The following SLC27A2 variants were observed in gnomAD, a reference collection of about 807,000 sequenced individuals.
SLC27A2 encodes the protein long-chain fatty acid transport protein 2.
SLC27A2 carries 54 observed loss-of-function variants against 60.0 expected under a neutral mutation model. That is an observed-to-expected ratio of 0.90 (90% CI 0.72 to 1.13). The LOEUF (loss-of-function observed/expected upper bound fraction) is 1.13, where lower values mean the gene tolerates loss of function less well. Among genes scored for constraint, SLC27A2 ranks in the 50% most tolerant of loss-of-function variants. The pLI, the probability that SLC27A2 is intolerant of heterozygous loss-of-function variation, is 0.00. For missense variants in SLC27A2, 739 were observed against 777.6 expected, an observed-to-expected ratio of 0.95 and a Z score of 0.59; for synonymous variants, 297 against 297.6, an observed-to-expected ratio of 1.00 and a Z score of 0.02.
chr15:50,184,494 T>G (rs1422949993), intron 1 of SLC27A2, among the ~76,000 whole-genome samples: 1 of 151,928 alleles, frequency 6.6e-6, no homozygotes, highest in African/African-American at 2.4e-5. Flanking sequence ...TGGCATGAAA[T>G]AAATAATCCA....
In SLC27A2 at chr15:50,233,981, C is replaced by G. The variant is rs150689218; in HGVS notation, c.1669C>G (p.Arg557Gly). 6.8e-6 allele frequency: 11 copies of G among 1,611,524 alleles called. No individual in the cohort carries two copies. The East Asian group carries it at 1.8e-4, about 26-fold the overall frequency. The part of the protein sequence containing the change: ...ADYLPSYARP[R>G]FLRIQDTIEI... ...TTACCTACCTAGTTATGCAAGGCCCCGGTTTCTAAGAATACAGGTGAGATC... is the reference window on the plus strand; with the variant it reads ...TTACCTACCTAGTTATGCAAGGCCCGGGTTTCTAAGAATACAGGTGAGATC... Residue 557 changes from arginine (R) to glycine (G), a missense_variant, in exon 9 of 10, where the codon CGG becomes GGG. Arg to Gly is a moderately radical substitution (Grantham distance 125). Coordinates refer to ENST00000267842, the MANE Select transcript of SLC27A2 (RefSeq NM_003645.4).
At chr15:50,208,074 C>A (rs895267703) in intron 4 of SLC27A2, among the ~76,000 whole-genome samples, 9 of 152,096 alleles carry the variant, frequency 5.9e-5, no homozygotes, top group African/African-American at 2.2e-4. Flanking sequence ...AGGGACTAAC[C>A]CCACCAGCGA....
At chr15:50,209,323 T>G (rs1381015519) in intron 4 of SLC27A2, among the ~76,000 whole-genome samples, 1 of 151,664 alleles carries the variant, frequency 6.6e-6, no homozygotes, top group Non-Finnish European at 1.5e-5. Flanking sequence ...GAGTGGAGAG[T>G]GGCCAATATG....
chr15:50,197,502 C>A lies in SLC27A2; in HGVS notation c.481C>A (p.Leu161Ile), dbSNP rs778149652. Residue 161 changes from leucine to isoleucine, a missense_variant and splice_region_variant, in exon 2 of 10, where the codon CTA (leucine) becomes ATA (isoleucine). Physicochemically the swap from Leu to Ile is conservative, Grantham distance 5. Transcript: ENST00000267842. ...GATATTTTTCTTATTAAATTAAGAA[C>A]TACAAGCAGCTGTCGAAGAGATACT... The part of the protein sequence containing the change: ...GAKVLLVSPE[L>I]QAAVEEILPS... The A allele has an allele frequency of 2.7e-5, 43 of 1,611,196 alleles. No individual in the cohort carries two copies. The highest frequency in any genetic ancestry group is 1.6e-4 in the Middle Eastern group (1 of 6,080).
At chr15:50,231,038 A>T (rs918134223) in intron 8 of SLC27A2, among the ~76,000 whole-genome samples, 7 of 152,158 alleles carry the variant, frequency 4.6e-5, no homozygotes, top group Admixed American at 6.5e-5. Flanking sequence ...ATTCTTAAAA[A>T]CATTGGAAGT....
chr15:50,199,477 T>TA (rs60025067), intron 2 of SLC27A2, among the ~76,000 whole-genome samples: 36,369 of 128,064 alleles, frequency 0.28, 5,201 homozygotes, highest in East Asian at 0.5. Context: ...GACTCTGTCT[T>TA]AAAAAAAAAA....
At chr15:50,205,524 G>A (rs559178223) in intron 4 of SLC27A2, among the ~76,000 whole-genome samples, 161 bp downstream of exon 4, 2 of 152,158 alleles carry the variant, frequency 1.3e-5, no homozygotes, top group Non-Finnish European at 2.9e-5. Context: ...CCATATAGAG[G>A]GGACTTAGTA....
At chr15:50,226,179 A>C (rs1040138974) in intron 6 of SLC27A2, 101 bp downstream of exon 6, 4 of 722,098 alleles carry the variant, frequency 5.5e-6, no homozygotes, top group Non-Finnish European at 7.3e-6. Flanking sequence ...AATTTATCAG[A>C]GTGGGGAAAA....
chr15:50,235,794 C>T, intron 9 of SLC27A2, 126 bp from the exon 10 acceptor site: 1 of 608,040 alleles, frequency 1.6e-6, no homozygotes, highest in Non-Finnish European at 2.8e-6. Flanking sequence ...TTTCACTTCC[C>T]AGCTCTCACA....
At chr15:50,197,403 A>C (rs996938302) in intron 1 of SLC27A2, 97 bp from the exon 2 acceptor site, 3 of 923,222 alleles carry the variant, frequency 3.2e-6, no homozygotes, top group Admixed American at 2.5e-5. Flanking sequence ...TAAGCAAAAA[A>C]TTATGCTGAA....
intron 8 of SLC27A2, among the ~76,000 whole-genome samples, chr15:50,232,617 T>G (rs1311060527): frequency 6.6e-6 from 1 of 152,040 alleles, no homozygotes; most frequent in Non-Finnish European, 1.5e-5. Flanking sequence ...CAGGCCCATT[T>G]GCCCGTAGGT....
intron 3 of SLC27A2, among the ~76,000 whole-genome samples, chr15:50,203,333 C>T (rs1450582720): frequency 6.6e-6 from 1 of 151,438 alleles, no homozygotes; most frequent in Non-Finnish European, 1.5e-5. Flanking sequence ...ATTTCCACAG[C>T]TTTTCAGCTC....
Position 50,196,080 on chromosome 15 carries a change from ATAT to A in SLC27A2, c.479-1419_479-1417del, listed in dbSNP as rs1368871252. 5.1e-4 allele frequency among the ~76,000 whole-genome samples: 4 copies of A among 7,812 alleles called. 1 individual carries two copies. The highest frequency in any genetic ancestry group is 2.9e-3 in the African/African-American group (4 of 1,402). 5.1% of individuals were successfully genotyped at this position (7,812 alleles called of 152,430 possible). A position where few individuals can be genotyped will look rare whatever the true frequency, so the allele number is the denominator to read the frequency against. ...AAAAAAAAAAAAAAAAAAAAAAAAT[ATAT>A]ATATATATATATATATATATATATA... On this transcript the variant is annotated intron_variant, in intron 1 of 9. Transcript: ENST00000267842.
Position 50,223,064 on chromosome 15 carries a change from A to G in SLC27A2, c.1072A>G (p.Ile358Val). The G allele has an allele frequency of 6.2e-7, 1 of 1,614,050 alleles. No individual in the cohort carries two copies. Among genetic ancestry groups the G allele is most frequent in the African/African-American group, 1.3e-5 (1 of 75,032 alleles). The change falls in exon 5 of 10, where the codon ATC (isoleucine) becomes GTC (valine). Residue 358 changes from isoleucine (I) to valine (V), a missense_variant. Physicochemically the swap from Ile to Val is conservative, Grantham distance 29 (BLOSUM62 3). Coordinates refer to ENST00000267842, the MANE Select transcript of SLC27A2 (RefSeq NM_003645.4). Reference sequence around the variant, plus strand: ...TGTCAAGAGATTTGGGGACATATGCATCTATGAGTTCTATGCTGCCACTGA... The same window carrying G: ...TGTCAAGAGATTTGGGGACATATGCGTCTATGAGTTCTATGCTGCCACTGA... Reference protein sequence around the residue: ...QFVKRFGDICIYEFYAATEGN... With the variant: ...QFVKRFGDICVYEFYAATEGN...
chr15:50,217,809 A>C (rs28448432), intron 4 of SLC27A2, among the ~76,000 whole-genome samples: 22,843 of 152,084 alleles, frequency 0.15, 1,766 homozygotes, highest in Middle Eastern at 0.18. Flanking sequence ...TAATCCCAGC[A>C]CTTTGGGAGG....
intron 3 of SLC27A2, among the ~76,000 whole-genome samples, chr15:50,204,522 A>G (rs1373162188): frequency 6.6e-6 from 1 of 152,060 alleles, no homozygotes; most frequent in Non-Finnish European, 1.5e-5. Context: ...TCACGAGGTC[A>G]GGAGATTGAG....
chr15:50,221,212 G>A (rs2045239789), intron 4 of SLC27A2, among the ~76,000 whole-genome samples: 1 of 151,938 alleles, frequency 6.6e-6, no homozygotes, highest in African/African-American at 2.4e-5. Context: ...AAAAGAGAGA[G>A]AGAAAATAGA....
chr15:50,234,587 CAAAAAA>C (rs767076726), intron 9 of SLC27A2, among the ~76,000 whole-genome samples: 1 of 61,556 alleles, frequency 1.6e-5, no homozygotes. Context: ...ACTCCATCTC[CAAAAAA>C]AAAAAAAAAA....
rs1259655829 is a variant in SLC27A2 at position 50,233,428 on chromosome 15, T to C, written c.1556-440T>C. 2.6e-5 allele frequency among the ~76,000 whole-genome samples: 4 copies of C among 152,330 alleles called. No individual in the cohort carries two copies. The East Asian group carries it at 7.7e-4, about 29-fold the overall frequency. ...TACTCCCTACTAAGATGTGTTTGTA[T>C]AGGCTGCTAGAAAGAAGGATGATGG... On this transcript the variant is annotated intron_variant, in intron 8 of 9. Transcript: ENST00000267842.
Sources: allele counts gnomAD v4.1 joint callset (sites outside exome capture counted in the v4.1 genomes callset), GRCh38; gene constraint gnomAD v4.1.1; transcripts MANE v1.5; gene names NCBI Gene and HGNC (gene_info 2026-07-23, HGNC 2026-07-21).